Variants in CTNNA2 observed in about 807,000 individuals in gnomAD.
CTNNA2 encodes the protein catenin alpha-2.
A neutral mutation model predicts 101.0 loss-of-function variants in CTNNA2; 42 were observed. That is an observed-to-expected ratio of 0.42 (90% CI 0.32 to 0.54). The LOEUF is 0.54. CTNNA2 is among the 20% of genes least tolerant of loss of function. CTNNA2 has a pLI of 0.14. For synonymous variants in CTNNA2, 450 were observed against 456.4 expected, an observed-to-expected ratio of 0.99 and a Z score of 0.18; for missense variants, 871 against 1,223.1, an observed-to-expected ratio of 0.71 and a Z score of 4.29.
intron 7 of CTNNA2, among the ~76,000 whole-genome samples, chr2:79,928,733 A>C (rs1268606074): frequency 6.6e-6 from 1 of 152,200 alleles, no homozygotes; most frequent in Non-Finnish European, 1.5e-5. Flanking sequence ...ATTCATACTT[A>C]TCAGATAGGG....
chr2:80,418,205 T>C (rs565023581), intron 8 of CTNNA2, among the ~76,000 whole-genome samples: 2 of 152,316 alleles, frequency 1.3e-5, no homozygotes, highest in Non-Finnish European at 2.9e-5. Flanking sequence ...TGTTAACTTA[T>C]GACTGCAGAC....
At chr2:80,226,695 G>T (rs1573448774) in intron 7 of CTNNA2, among the ~76,000 whole-genome samples, 3 of 152,242 alleles carry the variant, frequency 2.0e-5, no homozygotes, top group Admixed American at 2.0e-4. Flanking sequence ...GTACAGGAAG[G>T]ACCTGATGGA....
At chr2:80,549,629 C>G (rs547074484) in intron 11 of CTNNA2, among the ~76,000 whole-genome samples, 24 of 152,226 alleles carry the variant, frequency 1.6e-4, no homozygotes, top group Non-Finnish European at 2.9e-4. Context: ...GGAATAATCT[C>G]TAGGATACTT....
At chr2:80,152,407 C>G (rs1410600389) in intron 7 of CTNNA2, among the ~76,000 whole-genome samples, 1 of 151,854 alleles carries the variant, frequency 6.6e-6, no homozygotes, top group Non-Finnish European at 1.5e-5. Context: ...TCTGGAGTCA[C>G]TACTACAAGT....
chr2:80,000,675 C>CCATT (rs760698637), intron 7 of CTNNA2, among the ~76,000 whole-genome samples: 5 of 152,104 alleles, frequency 3.3e-5, no homozygotes, highest in Non-Finnish European at 4.4e-5. Context: ...GGTCACATGT[C>CCATT]CATGGAGAAG....
At chr2:80,566,274 A>G (rs1248553289) in intron 12 of CTNNA2, among the ~76,000 whole-genome samples, 1 of 152,152 alleles carries the variant, frequency 6.6e-6, no homozygotes, top group Non-Finnish European at 1.5e-5. Flanking sequence ...ATCATTTTTC[A>G]TTTCAGAAGT....
At chr2:79,591,823 T>G (rs1676868252) in intron 1 of CTNNA2, among the ~76,000 whole-genome samples, 1 of 152,106 alleles carries the variant, frequency 6.6e-6, no homozygotes, top group Admixed American at 6.5e-5. Flanking sequence ...TATGTTCTCT[T>G]TTTAATTTTT....
intron 1 of CTNNA2, among the ~76,000 whole-genome samples, chr2:79,191,807 CAT>C (rs1472428449): frequency 6.6e-6 from 1 of 152,134 alleles, no homozygotes; most frequent in African/African-American, 2.4e-5. Flanking sequence ...GGTAAGCAAA[CAT>C]GTTATGTCAC....
intron 7 of CTNNA2, among the ~76,000 whole-genome samples, chr2:80,214,483 G>A (rs1708121167): frequency 6.6e-6 from 1 of 152,084 alleles, no homozygotes; most frequent in African/African-American, 2.4e-5. Flanking sequence ...CCTTAGTTTG[G>A]CTGGATATGA....
intron 7 of CTNNA2, among the ~76,000 whole-genome samples, chr2:79,972,758 A>T (rs1690573133): frequency 1.3e-5 from 2 of 152,136 alleles, no homozygotes; most frequent in Admixed American, 1.3e-4. Context: ...TAGAGCACAT[A>T]TTTTCAGTGC....
Position 80,574,159 on chromosome 2 carries a change from C to A in CTNNA2, c.1742-4C>A. ...TAATCCTCTGCTTTTTATTTTTAAC[C>A]CAGTGATGCCACGCTTCGCTGAACA... On this transcript the variant is annotated splice_polypyrimidine_tract_variant and splice_region_variant and intron_variant, in intron 12 of 18. Coordinates refer to ENST00000402739, the MANE Select transcript of CTNNA2 (RefSeq NM_001282597.3). The A allele has an allele frequency of 6.2e-7, 1 of 1,607,202 alleles. No individual in the cohort carries two copies. The highest frequency in any genetic ancestry group is 2.2e-5 in the East Asian group (1 of 44,746).
chr2:80,427,049 A>T (rs961145103), intron 9 of CTNNA2, among the ~76,000 whole-genome samples: 4 of 152,108 alleles, frequency 2.6e-5, no homozygotes, highest in Non-Finnish European at 5.9e-5. Flanking sequence ...GAAAGAGATC[A>T]GGTCTAATTG....
intron 7 of CTNNA2, among the ~76,000 whole-genome samples, chr2:80,166,911 C>CT (rs138274641): frequency 0.012 from 1,817 of 151,024 alleles, 35 homozygotes; most frequent in African/African-American, 0.039. Context: ...TAGGTTGGGT[C>CT]TTTTTTTTTG....
chr2:80,603,352 A>C (rs756781638), intron 15 of CTNNA2, among the ~76,000 whole-genome samples: 1 of 152,072 alleles, frequency 6.6e-6, no homozygotes, highest in Non-Finnish European at 1.5e-5. Context: ...ACCTTATATG[A>C]AAATATTAGG....
intron 4 of CTNNA2, among the ~76,000 whole-genome samples, chr2:79,393,298 G>A (rs780885022): frequency 6.6e-6 from 1 of 152,184 alleles, no homozygotes; most frequent in East Asian, 1.9e-4. Context: ...CTGTTAGTAG[G>A]AAAACAGCTT....
chr2:79,518,621 G>A (rs909703303), intron 1 of CTNNA2, among the ~76,000 whole-genome samples: 7 of 152,058 alleles, frequency 4.6e-5, no homozygotes, highest in African/African-American at 1.7e-4. Flanking sequence ...AGGATCTGAT[G>A]TTCCCATGTT....
At chr2:79,635,954 G>A (rs919945846) in intron 1 of CTNNA2, among the ~76,000 whole-genome samples, 2 of 151,462 alleles carry the variant, frequency 1.3e-5, no homozygotes, top group Non-Finnish European at 2.9e-5. Context: ...AGGAAGGAGC[G>A]CTGAACTAAA....
chr2:79,365,574 T>G (rs1309482845), intron 3 of CTNNA2, among the ~76,000 whole-genome samples: 1 of 145,422 alleles, frequency 6.9e-6, no homozygotes, highest in African/African-American at 2.6e-5. Context: ...TGTGGTGAGC[T>G]ATGATGGCAC....
rs187150359 is a variant in CTNNA2 at position 79,440,664 on chromosome 2, T to C, written c.-134-64390T>C. On this transcript the variant is annotated intron_variant, in intron 4 of 21. Transcript: ENST00000466387. ...CTCACTGTCTGAGAGAGACATGCAC[T>C]TCATTAACCCATCTTGAGTTCTTCA... 2.6e-5 allele frequency among the ~76,000 whole-genome samples: 4 copies of C among 152,242 alleles called. No homozygotes were observed. In the East Asian group the frequency reaches 7.7e-4, roughly 29 times the overall value.
Sources: gnomAD v4.1 joint callset for allele counts (sites outside exome capture counted in the v4.1 genomes callset) on GRCh38, gnomAD v4.1.1 for gene constraint, MANE v1.5 for transcripts, NCBI Gene and HGNC (gene_info 2026-07-23, HGNC 2026-07-21) for gene names.